The following GFRA2 variants were observed in gnomAD, a reference collection of about 807,000 sequenced individuals.
GFRA2 encodes GDNF family receptor alpha-2.
A neutral mutation model predicts 48.3 loss-of-function variants in GFRA2; 17 were observed. That is an observed-to-expected ratio of 0.35 (90% confidence interval 0.24 to 0.53). The LOEUF (loss-of-function observed/expected upper bound fraction) is 0.53. Ranked by LOEUF, GFRA2 falls within the 20% of genes least tolerant of loss-of-function variation. The pLI is 0.93. For missense variants in GFRA2, 660 were observed against 637.3 expected, an observed-to-expected ratio of 1.04 and a Z score of -0.38; for synonymous variants, 305 against 257.2, an observed-to-expected ratio of 1.19 and a Z score of -1.78.
intron 1 of GFRA2, chr8:21,784,301 A>G: frequency 2.2e-6 from 1 of 456,212 alleles, no homozygotes; most frequent in Non-Finnish European, 4.4e-6. Flanking sequence ...CCACCAGGAA[A>G]AGCCCGCACC....
At chr8:21,784,481 G>C (rs1000488451) in intron 1 of GFRA2, among the ~76,000 whole-genome samples, 7 of 150,892 alleles carry the variant, frequency 4.6e-5, no homozygotes, top group Non-Finnish European at 7.3e-5. Context: ...GCCATCCCCC[G>C]GGAGGCCCTG....
intron 2 of GFRA2, among the ~76,000 whole-genome samples, chr8:21,800,056 C>T (rs2117112364): frequency 6.6e-6 from 1 of 152,344 alleles, no homozygotes; most frequent in African/African-American, 2.4e-5. Flanking sequence ...AGTCTGCTCT[C>T]CCATTTCCTT....
chr8:21,719,402 C>T (rs1481401255), intron 4 of GFRA2, among the ~76,000 whole-genome samples: 1 of 152,146 alleles, frequency 6.6e-6, no homozygotes, highest in Non-Finnish European at 1.5e-5. Context: ...CACTTCTCTC[C>T]CCAATCCCTC....
upstream of GFRA2, chr8:21,788,881 C>A (rs1229231591): frequency 5.2e-6 from 4 of 762,522 alleles, no homozygotes; most frequent in Non-Finnish European, 6.4e-6. Context: ...CTCTCCCTCG[C>A]TCTCCTCTCT....
At chr8:21,794,014 C>T (rs1186285322) in intron 2 of GFRA2, among the ~76,000 whole-genome samples, 1 of 151,794 alleles carries the variant, frequency 6.6e-6, no homozygotes, top group Non-Finnish European at 1.5e-5. Context: ...CAGGCCTGCA[C>T]CTGGCTTATT....
chr8:21,703,746 A>G (rs1355764885), intron 6 of GFRA2, among the ~76,000 whole-genome samples: 1 of 151,846 alleles, frequency 6.6e-6, no homozygotes, highest in African/African-American at 2.4e-5. Context: ...CCTCCTAAAG[A>G]TCCCTCCACC....
At chr8:21,743,214 G>A (rs1236157482) in intron 4 of GFRA2, among the ~76,000 whole-genome samples, 1 of 152,164 alleles carries the variant, frequency 6.6e-6, no homozygotes, top group Non-Finnish European at 1.5e-5. Context: ...GCTCCTTGCA[G>A]TTAGGTTCTT....
chr8:21,706,382 C>T lies in GFRA2; in HGVS notation c.795-341G>A, dbSNP rs535210946. 4.9e-4 allele frequency: 238 copies of T among 481,502 alleles called. 2 individuals are homozygous for T. The highest frequency in any genetic ancestry group is 3.6e-3 in the South Asian group (234 of 64,770). The allele number at this position is 481,502 out of a possible 1,614,324, so 29.8% of individuals were successfully genotyped here. A position where few individuals can be genotyped will look rare whatever the true frequency, so the allele number is the denominator to read the frequency against. ...TGGGTTTGTGGAGAATGCCTGGACCCCAGGCAGGAAAGCTGGGTCCACCTT... is the reference window on the plus strand; with the variant it reads ...TGGGTTTGTGGAGAATGCCTGGACCTCAGGCAGGAAAGCTGGGTCCACCTT... On this transcript the variant is annotated intron_variant, in intron 4 of 8. Transcript: ENST00000524240.
chr8:21,741,728 C>G (rs1224875970), intron 4 of GFRA2, among the ~76,000 whole-genome samples: 1 of 152,002 alleles, frequency 6.6e-6, no homozygotes, highest in Admixed American at 6.6e-5. Flanking sequence ...TCAAGACCAG[C>G]CTGGCCAACA....
intron 2 of GFRA2, among the ~76,000 whole-genome samples, chr8:21,799,485 T>A (rs1280329957): frequency 6.6e-6 from 1 of 152,062 alleles, no homozygotes; most frequent in East Asian, 1.9e-4. Context: ...CATGAGCCAC[T>A]GCACCCAGCC....
At chr8:21,769,838 G>T (rs1332684370) in intron 3 of GFRA2, among the ~76,000 whole-genome samples, 1 of 152,164 alleles carries the variant, frequency 6.6e-6, no homozygotes, top group East Asian at 1.9e-4. Flanking sequence ...TTCTTGGCAA[G>T]GGGTAGCGTT....
intron 4 of GFRA2, among the ~76,000 whole-genome samples, chr8:21,713,614 A>G (rs2032704592): frequency 6.6e-6 from 1 of 152,060 alleles, no homozygotes; most frequent in Non-Finnish European, 1.5e-5. Context: ...GTACAGGTGG[A>G]CTTTCTATAG....
At chr8:21,715,468 A>G (rs755839521) in intron 4 of GFRA2, among the ~76,000 whole-genome samples, 4 of 152,224 alleles carry the variant, frequency 2.6e-5, no homozygotes, top group East Asian at 1.9e-4. Context: ...ACCACCACGC[A>G]TGGCTAATTT....
intron 4 of GFRA2, among the ~76,000 whole-genome samples, chr8:21,727,920 G>A (rs564881446): frequency 1.7e-4 from 25 of 150,878 alleles, no homozygotes; most frequent in Admixed American, 1.4e-3. Context: ...TAGATGCACC[G>A]TGCAGATGAG....
chr8:21,762,359 C>T (rs1585312429), intron 3 of GFRA2, among the ~76,000 whole-genome samples: 1 of 152,288 alleles, frequency 6.6e-6, no homozygotes, highest in East Asian at 1.9e-4. Context: ...TCCAATGGGA[C>T]CTGAACCCTT....
At chr8:21,768,065 C>T (rs990371779) in intron 3 of GFRA2, among the ~76,000 whole-genome samples, 4 of 152,202 alleles carry the variant, frequency 2.6e-5, no homozygotes, top group African/African-American at 4.8e-5. Context: ...CGGCCCCAAG[C>T]GCCGTGAGAG....
chr8:21,789,966 G>A, upstream of GFRA2: 1 of 625,124 alleles, frequency 1.6e-6, no homozygotes, highest in African/African-American at 2.0e-5. Flanking sequence ...CGAGGAGCTC[G>A]TCCCGAGGCA....
chr8:21,809,926 C>T (rs1469160291), intron 1 of GFRA2, among the ~76,000 whole-genome samples: 1 of 152,178 alleles, frequency 6.6e-6, no homozygotes, highest in East Asian at 1.9e-4. Flanking sequence ...AAATTTGCAG[C>T]AGCTGATGGG....
intron 4 of GFRA2, among the ~76,000 whole-genome samples, chr8:21,710,465 G>A (rs1189178520): frequency 2.6e-5 from 4 of 152,198 alleles, no homozygotes; most frequent in Non-Finnish European, 5.9e-5. Flanking sequence ...GCGCATCAAG[G>A]AGACGGGGCT....
Sources: gnomAD v4.1 joint callset for allele counts (sites outside exome capture counted in the v4.1 genomes callset) on GRCh38, gnomAD v4.1.1 for gene constraint, MANE v1.5 for transcripts, NCBI Gene and HGNC (gene_info 2026-07-23, HGNC 2026-07-21) for gene names.